TONSL: variants seen among roughly 807,000 people sequenced by gnomAD.
TONSL encodes the protein tonsoku like, DNA repair protein, also known as tonsoku-like protein.
Under a neutral mutation model 147.1 loss-of-function variants are expected in TONSL, and 112 were observed. The observed-to-expected ratio is 0.76, with a 90% CI of 0.65 to 0.89. The LOEUF is 0.89. TONSL is among the 40% of genes least tolerant of loss of function. TONSL has a pLI of 0.00. For missense variants in TONSL, 1,883 were observed against 1,864.6 expected, an observed-to-expected ratio of 1.01 and a Z score of -0.18; for synonymous variants, 868 against 801.5, an observed-to-expected ratio of 1.08 and a Z score of -1.40.
At chr8:144,442,536 G>A in intron 5 of TONSL, 124 bp from the exon 6 acceptor site, 1 of 1,481,850 alleles carries the variant, frequency 6.7e-7, no homozygotes, top group Admixed American at 2.1e-5. Flanking sequence ...TTCTCCCAGT[G>A]TGTGGCACAG....
At position 144,435,729 on chromosome 8, in the gene TONSL, G is replaced by A. The variant is rs778000482; in HGVS notation, c.2704C>T (p.Pro902Ser). ...CTGGGGGTGCTGGGGCTCCCTGGAGGTTCTGAAGCCAGGCTGCTGGGCCCT... is the reference window on the plus strand; with the variant it reads ...CTGGGGGTGCTGGGGCTCCCTGGAGATTCTGAAGCCAGGCTGCTGGGCCCT... ...NAGPSSLASE[P>S]PGSPSTPRVS... is the part of the protein sequence containing the mutation. Residue 902 changes from proline to serine, a missense_variant, in exon 17 of 26, where the codon CCT (proline) becomes TCT (serine). By Grantham distance (74) the Pro-to-Ser change is moderately conservative. Coordinates refer to ENST00000409379, the MANE Select transcript of TONSL (RefSeq NM_013432.5). 5.0e-5 allele frequency: 81 copies of A among 1,612,460 alleles called. No homozygotes were observed. The highest frequency in any genetic ancestry group is 6.7e-5 in the Non-Finnish European group (79 of 1,179,716).
At chr8:144,431,985 G>C (rs1266730542) in intron 23 of TONSL, among the ~76,000 whole-genome samples, 1 of 151,682 alleles carries the variant, frequency 6.6e-6, no homozygotes, top group African/African-American at 2.4e-5. Context: ...CCGCCACCAC[G>C]CCTGGGTAAT....
At position 144,436,242 on chromosome 8, in the gene TONSL, G is replaced by A. The variant is rs1024806587; in HGVS notation, c.2191C>T (p.Arg731Trp). 12 of 1,544,600 alleles carry A rather than the reference G, an allele frequency of 7.8e-6. No homozygotes were observed. Among genetic ancestry groups the A allele is most frequent in the Admixed American group, 3.6e-5 (2 of 54,932 alleles). ...GQAAPAMARP[R>W]RSRHGPASSS... Reference sequence around the variant, plus strand: ...CTGGCTGGCCCATGCCTGCTCCTCCGAGGCCTGGCCATGGCTGGTGCCGCC... The same window carrying A: ...CTGGCTGGCCCATGCCTGCTCCTCCAAGGCCTGGCCATGGCTGGTGCCGCC... Residue 731 changes from arginine to tryptophan, a missense_variant, in exon 17 of 26, where the codon CGG becomes TGG. Physicochemically the swap from Arg to Trp is moderately radical, Grantham distance 101. Transcript: ENST00000409379.
At chr8:144,439,965 T>C in intron 11 of TONSL, 56 bp downstream of exon 11, 2 of 794,800 alleles carry the variant, frequency 2.5e-6, no homozygotes, top group South Asian at 1.4e-5. Flanking sequence ...AGCACACCCC[T>C]CTCCAGCCCG....
At chr8:144,435,261 C>T in intron 18 of TONSL, 91 bp from the exon 19 acceptor site, 3 of 1,423,092 alleles carry the variant, frequency 2.1e-6, no homozygotes, top group Non-Finnish European at 9.2e-7. Flanking sequence ...CCAGAAGCCC[C>T]CTCAGCTGCT....
chr8:144,443,901 T>G lies in TONSL; in HGVS notation c.245A>C (p.Asp82Ala). 1 of 1,545,500 alleles carries G rather than the reference T, an allele frequency of 6.5e-7. No individual in the cohort carries two copies. The highest frequency in any genetic ancestry group is 8.7e-7 in the Non-Finnish European group (1 of 1,146,632). Residue 82 changes from aspartate (D) to alanine (A), a missense_variant, in exon 3 of 26, where the codon GAC becomes GCC. Coordinates refer to ENST00000409379, the MANE Select transcript of TONSL (RefSeq NM_013432.5). ...KIGERLAEME[D>A]YPAALQHQHQ... ...CCGCACCTGCAAGGCAGCCGGGTAG[T>G]CCTCCATCTCGGCCAGGCGCTCTCC... is the stretch of plus-strand genomic sequence containing the variant.
rs782286823 is a variant in TONSL, at chr8:144,431,167, G to A, written c.3736-16C>T. 5.0e-6 allele frequency: 8 copies of A among 1,613,480 alleles called. No individual in the cohort carries two copies. The Admixed American group carries it at 1.0e-4, about 20-fold the overall frequency. On this transcript the variant is annotated splice_polypyrimidine_tract_variant and intron_variant, in intron 23 of 25. Transcript: ENST00000409379. ...CACAGCCTTCCTGGACATGAGCAGA[G>A]GCCCAAGGGGGCCAAACGGAGTGGC...
In TONSL at chr8:144,429,149, G is replaced by A. The variant is rs782810422; in HGVS notation, c.4131C>T (p.Arg1377=). ...GGGAAAGGCAGCGCCAGGGTCAGAGGCGCCGAAAGAAGAGCTTGGAGCCGT... is the reference window on the plus strand; with the variant it reads ...GGGAAAGGCAGCGCCAGGGTCAGAGACGCCGAAAGAAGAGCTTGGAGCCGT... ...LDHGSKLFFR[R]L Residue 1377 remains arginine, a synonymous_variant, in exon 26 of 26, where the codon CGC becomes CGT. Transcript: ENST00000409379. 3.5e-5 allele frequency: 53 copies of A among 1,529,120 alleles called. No homozygotes were observed. The Admixed American group carries it at 5.0e-4, about 14-fold the overall frequency. The allele number at this position is 1,529,120 out of a possible 1,614,324, so 94.7% of individuals were successfully genotyped here.
At position 144,435,518 on chromosome 8, in the gene TONSL, T is replaced by G; in HGVS notation, c.2808A>C (p.Arg936=). 1 of 1,550,024 alleles carries G rather than the reference T, an allele frequency of 6.5e-7. No individual in the cohort carries two copies. The highest frequency in any genetic ancestry group is 8.7e-7 in the Non-Finnish European group (1 of 1,146,476). ...GGAAGAGATGATCCTGAACTTGAACTCGAACCCGGATGGGAGGGGGCGGGG... is the reference window on the plus strand; with the variant it reads ...GGAAGAGATGATCCTGAACTTGAACGCGAACCCGGATGGGAGGGGGCGGGG... The part of the protein sequence containing the change: ...GPAPPPPIRV[R]VQVQDHLFLI... Residue 936 remains arginine, a synonymous_variant, in exon 18 of 26, where the codon CGA becomes CGC. Coordinates refer to ENST00000409379, the MANE Select transcript of TONSL (RefSeq NM_013432.5).
rs556358872 is a variant in TONSL, at chr8:144,433,545, C to T, written c.3559+43G>A. On this transcript the variant is annotated intron_variant, in intron 22 of 25. Coordinates refer to ENST00000409379, the MANE Select transcript of TONSL (RefSeq NM_013432.5). ...CTGAAAGTCCTGGAAACCCTCAATG[C>T]CCCAGGGCTAGGGAGTGGACAGGGA... 116 of 1,593,602 alleles carry T rather than the reference C, an allele frequency of 7.3e-5. No individual in the cohort carries two copies. The South Asian group carries it at 1.2e-3, about 17-fold the overall frequency.
In TONSL at chr8:144,431,085, G is replaced by A. The variant is rs782460007; in HGVS notation, c.3802C>T (p.Leu1268=). 3 of 1,614,146 alleles carry A rather than the reference G, an allele frequency of 1.9e-6. No homozygotes were observed. Among genetic ancestry groups the A allele is most frequent in the South Asian group, 2.2e-5 (2 of 91,084 alleles). ...GCAGGGAAAGGGCGTTACCTGCACA[G>A]GTCTCTAACAGCCTTGTCCCCCAGG... ...NHLGDKAVRD[L]CRCLSLCPSL... is the part of the protein sequence containing the mutation. The change falls in exon 24 of 26, where the codon CTG becomes TTG. Residue 1268 remains leucine, a synonymous_variant. Coordinates refer to ENST00000409379, the MANE Select transcript of TONSL (RefSeq NM_013432.5).
At chr8:144,442,880 G>A (rs1018764141) in intron 4 of TONSL, 74 bp from the exon 5 acceptor site, 2 of 1,530,518 alleles carry the variant, frequency 1.3e-6, no homozygotes, top group African/African-American at 1.4e-5. Context: ...CCCATTTGGG[G>A]CCTGTGCAGC....
intron 22 of TONSL, chr8:144,433,357 T>C: frequency 2.1e-6 from 1 of 482,698 alleles, no homozygotes; most frequent in Non-Finnish European, 3.7e-6. Flanking sequence ...ATTACAGGCG[T>C]GAGCCACTGC....
At position 144,438,379 on chromosome 8, in the gene TONSL, G is replaced by A. The variant is rs115119582; in HGVS notation, c.1653+92C>T. On this transcript the variant is annotated intron_variant, in intron 13 of 25. Coordinates refer to ENST00000409379, the MANE Select transcript of TONSL (RefSeq NM_013432.5). ...TAAGGGGCCCCATTTTGAAGATGAG[G>A]AAGTTGAGAGTTACAGAGATAGGGG... 2,434 of 1,377,872 alleles carry A rather than the reference G, an allele frequency of 1.8e-3. 30 individuals are homozygous for A. The African/African-American group carries it at 0.031, about 18-fold the overall frequency. 85.4% of individuals were successfully genotyped at this position (1,377,872 alleles called of 1,614,324 possible).
rs761880664 is a variant in TONSL, at chr8:144,440,808, C to T, written c.1074G>A (p.Leu358=). The change falls in exon 9 of 26, where the codon CTG becomes CTA. Residue 358 remains leucine, a synonymous_variant. Coordinates refer to ENST00000409379, the MANE Select transcript of TONSL (RefSeq NM_013432.5). ...CCTTCATGTCTCCCAGTGTGGTGGC[C>T]AGGGACACGTGGATGATGGCCCGCT... ...GAERAIIHVS[L]ATTLGDMKDH... is the part of the protein sequence containing the mutation. 1 of 1,612,914 alleles carries T rather than the reference C, an allele frequency of 6.2e-7. No individual in the cohort carries two copies.
chr8:144,438,507 C>A lies in TONSL; in HGVS notation c.1617G>T (p.Glu539Asp), dbSNP rs752664651. The A allele has an allele frequency of 6.2e-7, 1 of 1,613,178 alleles. No individual in the cohort carries two copies. Among genetic ancestry groups the A allele is most frequent in the Non-Finnish European group, 8.5e-7 (1 of 1,179,964 alleles). ...GETLLHRACIEGQLRRVQDLV... is the reference protein window; with the variant it reads ...GETLLHRACIDGQLRRVQDLV... ...GGTCCTGGACGCGGCGCAGCTGGCCCTCGATGCAGGCTCGGTGCAGCAGGG... is the reference window on the plus strand; with the variant it reads ...GGTCCTGGACGCGGCGCAGCTGGCCATCGATGCAGGCTCGGTGCAGCAGGG... The change falls in exon 13 of 26, where the codon GAG becomes GAT. Residue 539 changes from glutamate (E) to aspartate (D), a missense_variant. Coordinates refer to ENST00000409379, the MANE Select transcript of TONSL (RefSeq NM_013432.5).
intron 3 of TONSL, 89 bp downstream of exon 3, chr8:144,443,793 G>A (rs1422132327): frequency 1.3e-5 from 20 of 1,499,094 alleles, no homozygotes; most frequent in African/African-American, 5.5e-5. Context: ...CCAGCCCGAG[G>A]CTCCTGACGG....
chr8:144,435,368 C>T, intron 18 of TONSL, 106 bp downstream of exon 18: 1 of 1,252,398 alleles, frequency 8.0e-7, no homozygotes, highest in South Asian at 1.6e-5. Context: ...CCTCCTGGAA[C>T]ACACCAGGGA....
chr8:144,436,213 G>A lies in TONSL; in HGVS notation c.2220C>T (p.Ser740=). The change falls in exon 17 of 26, where the codon AGC becomes AGT. Residue 740 remains serine (S), a synonymous_variant. Transcript: ENST00000409379. ...TGTCCTCGCCTTCTGAGCTGCTGCT[G>A]CTGCTGGCTGGCCCATGCCTGCTCC... ...PRRSRHGPAS[S]SSSSEGEDSA... 1 of 1,565,760 alleles carries A rather than the reference G, an allele frequency of 6.4e-7. No homozygotes were observed. The highest frequency in any genetic ancestry group is 8.6e-7 in the Non-Finnish European group (1 of 1,158,838).
Sources: gnomAD v4.1 joint callset for allele counts (sites outside exome capture counted in the v4.1 genomes callset) on GRCh38, gnomAD v4.1.1 for gene constraint, MANE v1.5 for transcripts, NCBI Gene and HGNC (gene_info 2026-07-23, HGNC 2026-07-21) for gene names.